The following KIF26B variants were observed in gnomAD, a reference collection of about 807,000 sequenced individuals.
KIF26B encodes the protein kinesin-like protein KIF26B.
Under a neutral mutation model 151.2 loss-of-function variants are expected in KIF26B, and 63 were observed. The ratio of observed to expected loss-of-function variants is 0.42; its 90% CI spans 0.34 to 0.51. The LOEUF is 0.51. KIF26B is among the 20% of genes least tolerant of loss of function. The probability of loss-of-function intolerance (pLI) is 0.07; values close to 1 mark genes in which losing one functional copy is unlikely to be tolerated. For synonymous variants in KIF26B, 1,357 were observed against 1,262.1 expected (o/e 1.08, Z -1.59); for missense variants, 2,813 against 2,913.6 (o/e 0.97, Z 0.79).
chr1:245,299,197 T>C (rs1221249635), intron 2 of KIF26B, among the ~76,000 whole-genome samples: 1 of 152,152 alleles, frequency 6.6e-6, no homozygotes, highest in Non-Finnish European at 1.5e-5. Flanking sequence ...ATTGCGTTGG[T>C]GCCAGCCTTT....
At position 245,507,667 on chromosome 1, in the gene KIF26B, A is replaced by G. The variant is rs142853233; in HGVS notation, c.1167-33100A>G. 3.3e-3 allele frequency among the ~76,000 whole-genome samples: 497 copies of G among 152,226 alleles called. 2 individuals carry two copies. Among genetic ancestry groups the G allele is most frequent in the African/African-American group, 0.012 (479 of 41,564 alleles). On this transcript the variant is annotated intron_variant, in intron 4 of 14. Coordinates refer to ENST00000407071, the MANE Select transcript of KIF26B (RefSeq NM_018012.4). Reference sequence around the variant, plus strand: ...AGGCACATCTCCATGTCCCCTCCACATGGCCCCAGGATTGCTGGTGAACAT... The same window carrying G: ...AGGCACATCTCCATGTCCCCTCCACGTGGCCCCAGGATTGCTGGTGAACAT...
chr1:245,398,077 A>G (rs568606761), intron 3 of KIF26B, among the ~76,000 whole-genome samples: 10 of 152,330 alleles, frequency 6.6e-5, no homozygotes, highest in African/African-American at 2.2e-4. Context: ...GGCTGAATGA[A>G]TACCCTGAAA....
chr1:245,547,754 A>G (rs12133360), intron 5 of KIF26B, among the ~76,000 whole-genome samples: 45,270 of 152,016 alleles, frequency 0.3, 7,741 homozygotes, highest in Non-Finnish European at 0.38. Context: ...GATCAGATTT[A>G]TGATAGGATG....
chr1:245,365,014 T>C (rs553017603), intron 2 of KIF26B, among the ~76,000 whole-genome samples: 2 of 152,364 alleles, frequency 1.3e-5, no homozygotes, highest in East Asian at 1.9e-4. Context: ...TATGGCTCTT[T>C]GGCTTAAAGT....
chr1:245,324,724 C>A (rs552123906), intron 2 of KIF26B, among the ~76,000 whole-genome samples: 42 of 152,262 alleles, frequency 2.8e-4, no homozygotes, highest in African/African-American at 8.9e-4. Context: ...TGAAACACGG[C>A]CATCCCTCAG....
chr1:245,490,527 G>T (rs150218838), intron 4 of KIF26B, among the ~76,000 whole-genome samples: 3,816 of 151,936 alleles, frequency 0.025, 165 homozygotes, highest in African/African-American at 0.087. Context: ...TGGCTGGGAT[G>T]GTCTCGATCT....
intron 5 of KIF26B, among the ~76,000 whole-genome samples, chr1:245,547,704 G>A (rs957243496): frequency 6.6e-6 from 1 of 152,002 alleles, no homozygotes; most frequent in Non-Finnish European, 1.5e-5. Context: ...TTATCAAATG[G>A]AGAACTAGAA....
In KIF26B at chr1:245,393,712, T is replaced by C. The variant is rs145969179; in HGVS notation, c.1000-25867T>C. Among the ~76,000 whole-genome samples, 634 of 152,304 alleles carry C rather than the reference T, an allele frequency of 4.2e-3. 3 individuals are homozygous for C. Among genetic ancestry groups the C allele is most frequent in the African/African-American group, 0.015 (621 of 41,564 alleles). On this transcript the variant is annotated intron_variant, in intron 3 of 14. Transcript: ENST00000407071. Reference sequence around the variant, plus strand: ...CTCTTCTAATTTCCAGCTTGCTGAGTGTAAATTTTGGCTGCCAGGTTTTGG... The same window carrying C: ...CTCTTCTAATTTCCAGCTTGCTGAGCGTAAATTTTGGCTGCCAGGTTTTGG...
At chr1:245,224,540 A>G (rs768323487) in intron 2 of KIF26B, among the ~76,000 whole-genome samples, 12 of 152,236 alleles carry the variant, frequency 7.9e-5, no homozygotes, top group Admixed American at 3.9e-4. Context: ...ATTTGTTGCT[A>G]TTGATACAAC....
Position 245,688,362 on chromosome 1 carries a change from G to T in KIF26B, c.5379G>T (p.Ser1793=). The change falls in exon 12 of 15, where the codon TCG becomes TCT. Residue 1793 remains serine, a synonymous_variant. Coordinates refer to ENST00000407071, the MANE Select transcript of KIF26B (RefSeq NM_018012.4). Reference sequence around the variant, plus strand: ...AGTCCCTCAGCAGGAACAGGAGCTCGGGCCTGGCCTCCAAGCTTCCCCTGC... The same window carrying T: ...AGTCCCTCAGCAGGAACAGGAGCTCTGGCCTGGCCTCCAAGCTTCCCCTGC... ...STQSLSRNRS[S]GLASKLPLRA... is the part of the protein sequence containing the mutation. 1.9e-6 allele frequency: 3 copies of T among 1,557,276 alleles called. No homozygotes were observed. Among genetic ancestry groups the T allele is most frequent in the Non-Finnish European group, 2.6e-6 (3 of 1,160,432 alleles).
At chr1:245,699,751 T>C (rs2147969319) in intron 14 of KIF26B, among the ~76,000 whole-genome samples, 1 of 152,272 alleles carries the variant, frequency 6.6e-6, no homozygotes, top group East Asian at 1.9e-4. Context: ...CCATTCAAGT[T>C]CCCTCTGCCT....
At chr1:245,266,515 CTT>C (rs539399417) in intron 2 of KIF26B, among the ~76,000 whole-genome samples, 3 of 146,572 alleles carry the variant, frequency 2.0e-5, no homozygotes. Context: ...TTCTTTCTTT[CTT>C]TTTTTTTTTG....
rs1284006950 is a variant in KIF26B, at chr1:245,704,834, T to C, written c.*2228T>C. On this transcript the variant is annotated 3_prime_UTR_variant, in exon 15 of 15. Transcript: ENST00000407071. ...TTCGAGTTTGCCATTGGGCTGCTGG[T>C]TGCTGGTTTCAAACATATAGTTCAT... The C allele has an allele frequency of 1.3e-5, 2 of 151,108 alleles. No individual in the cohort carries two copies. Among genetic ancestry groups the C allele is most frequent in the Admixed American group, 1.3e-4 (2 of 15,162 alleles). The allele number at this position is 151,108 out of a possible 1,614,324, so 9.4% of individuals were successfully genotyped here.
rs552371228 is a variant in KIF26B, at chr1:245,686,731, G to A, written c.3748G>A (p.Glu1250Lys). ...CTACTCCAGCACGGCCCCCGTCTCCGAGGTCAGCATCACACAGTTCTTGCC... is the reference window on the plus strand; with the variant it reads ...CTACTCCAGCACGGCCCCCGTCTCCAAGGTCAGCATCACACAGTTCTTGCC... The part of the protein sequence containing the change: ...ECYSSTAPVS[E>K]VSITQFLPLP... Residue 1250 changes from glutamate (E) to lysine (K), a missense_variant, in exon 12 of 15, where the codon GAG becomes AAG. Coordinates refer to ENST00000407071, the MANE Select transcript of KIF26B (RefSeq NM_018012.4). The surrounding 1 kb of genome is among the most constrained non-coding windows in gnomAD (Gnocchi z 5.6). 6.2e-6 allele frequency: 10 copies of A among 1,613,538 alleles called. No individual in the cohort carries two copies. The Admixed American group carries it at 1.0e-4, about 16-fold the overall frequency.
chr1:245,205,714 CTTT>C (rs67318995), intron 2 of KIF26B, among the ~76,000 whole-genome samples: 228 of 140,104 alleles, frequency 1.6e-3, no homozygotes, highest in Non-Finnish European at 1.8e-3. Context: ...CTTTTCTTTT[CTTT>C]TTTTTTTTTT....
chr1:245,571,398 G>C (rs1284343406), intron 5 of KIF26B, among the ~76,000 whole-genome samples: 2 of 152,222 alleles, frequency 1.3e-5, no homozygotes, highest in Admixed American at 1.3e-4. Context: ...TCAAGGGGCA[G>C]ATAAGTCAGA....
At chr1:245,353,203 A>T (rs1672608499) in intron 2 of KIF26B, among the ~76,000 whole-genome samples, 1 of 152,150 alleles carries the variant, frequency 6.6e-6, no homozygotes, top group Non-Finnish European at 1.5e-5. Flanking sequence ...TGTTGGAATG[A>T]CTAGAGGCAG....
chr1:245,340,899 G>T (rs938382292), intron 2 of KIF26B, among the ~76,000 whole-genome samples: 3 of 152,220 alleles, frequency 2.0e-5, no homozygotes, highest in African/African-American at 7.2e-5. Context: ...ATGCACTGCG[G>T]TCATCCAGGT....
At chr1:245,173,939 G>C (rs952334277) in intron 2 of KIF26B, among the ~76,000 whole-genome samples, 1 of 152,196 alleles carries the variant, frequency 6.6e-6, no homozygotes, top group Non-Finnish European at 1.5e-5. Context: ...ATTTGTGCCT[G>C]TGGTCGTTAG....
Sources: allele counts gnomAD v4.1 joint callset (sites outside exome capture counted in the v4.1 genomes callset), GRCh38; gene constraint gnomAD v4.1.1; non-coding constraint Gnocchi (gnomAD v3.1); transcripts MANE v1.5; gene names NCBI Gene and HGNC (gene_info 2026-07-23, HGNC 2026-07-21).